The following RPRD2 variants were observed in gnomAD, a reference collection of about 807,000 sequenced individuals.
RPRD2 encodes regulation of nuclear pre-mRNA domain-containing protein 2.
In RPRD2, 12 loss-of-function variants were observed where a neutral mutation model predicts 104.4. The ratio of observed to expected loss-of-function variants is 0.11; its 90% confidence interval spans 0.07 to 0.19. The LOEUF (loss-of-function observed/expected upper bound fraction) is 0.19, where lower values mean the gene tolerates loss of function less well. RPRD2 is among the 10% of genes least tolerant of loss of function. RPRD2 has a pLI of 1.00. For missense variants in RPRD2, 1,543 were observed against 1,790.1 expected, an observed-to-expected ratio of 0.86 and a Z score of 2.49; for synonymous variants, 714 against 684.9, an observed-to-expected ratio of 1.04 and a Z score of -0.66.
intron 1 of RPRD2, among the ~76,000 whole-genome samples, chr1:150,388,915 TATTAAG>T (rs1299435238): frequency 6.6e-6 from 1 of 152,068 alleles, no homozygotes; most frequent in East Asian, 1.9e-4. Context: ...AATATGTAAT[TATTAAG>T]AGTCCATATT....
At chr1:150,388,129 G>T (rs1382990994) in intron 1 of RPRD2, among the ~76,000 whole-genome samples, 1 of 151,334 alleles carries the variant, frequency 6.6e-6, no homozygotes, top group African/African-American at 2.4e-5. Flanking sequence ...TGTTGCCTAG[G>T]CTGGTCTTAA....
intron 1 of RPRD2, among the ~76,000 whole-genome samples, chr1:150,383,205 G>T (rs1052204110): frequency 2.3e-4 from 35 of 152,014 alleles, no homozygotes; most frequent in South Asian, 1.9e-3. Flanking sequence ...ATGTTGCCCA[G>T]GCTGGTCTCG....
intron 2 of RPRD2, among the ~76,000 whole-genome samples, chr1:150,438,477 A>G (rs1241353301): frequency 6.6e-6 from 1 of 151,848 alleles, no homozygotes; most frequent in African/African-American, 2.4e-5. Flanking sequence ...AAAAAATACA[A>G]AATTAGCTGG....
At chr1:150,416,326 A>G (rs1553888537) in intron 1 of RPRD2, among the ~76,000 whole-genome samples, 7 of 152,148 alleles carry the variant, frequency 4.6e-5, no homozygotes, top group Admixed American at 1.3e-4. Context: ...TAAAAAGCTG[A>G]GATCTTGATG....
intron 1 of RPRD2, among the ~76,000 whole-genome samples, chr1:150,371,793 C>T (rs1660323414): frequency 1.3e-5 from 2 of 152,142 alleles, no homozygotes; most frequent in African/African-American, 4.8e-5. Flanking sequence ...CCTACACAGC[C>T]TTTCTTATTC....
chr1:150,368,323 C>G (rs1470151901), intron 1 of RPRD2, among the ~76,000 whole-genome samples: 1 of 144,438 alleles, frequency 6.9e-6, no homozygotes, highest in Non-Finnish European at 1.5e-5. Context: ...GATGGAATTT[C>G]GCTTTGTCGT....
rs587718546 is a variant in RPRD2 at position 150,410,046 on chromosome 1, C to T, written c.206-7550C>T. 3.9e-5 allele frequency among the ~76,000 whole-genome samples: 6 copies of T among 152,166 alleles called. No homozygotes were observed. The South Asian group carries it at 1.2e-3, about 32-fold the overall frequency. ...GTGATTGAACGAGCCATGAGAAAAA[C>T]GGGGGAAGAAAGTTCCAGAACAGTG... On this transcript the variant is annotated intron_variant, in intron 1 of 10. Coordinates refer to ENST00000369068, the MANE Select transcript of RPRD2 (RefSeq NM_015203.5).
At chr1:150,442,052 A>C (rs1055234753) in intron 4 of RPRD2, 94 bp downstream of exon 4, 1 of 917,540 alleles carries the variant, frequency 1.1e-6, no homozygotes, top group African/African-American at 1.7e-5. Flanking sequence ...GGCATAAACC[A>C]TGGGCAAGCC....
chr1:150,430,010 C>T (rs1286876684), intron 2 of RPRD2, among the ~76,000 whole-genome samples: 2 of 152,194 alleles, frequency 1.3e-5, no homozygotes, highest in Non-Finnish European at 2.9e-5. Context: ...CCCCTGGCTT[C>T]TGAGATATAG....
chr1:150,443,405 A>G (rs1666536860), intron 5 of RPRD2, 122 bp downstream of exon 5: 2 of 724,452 alleles, frequency 2.8e-6, no homozygotes, highest in South Asian at 3.9e-5. Flanking sequence ...TTAAACATGC[A>G]TGAACTGTTC....
At chr1:150,424,692 C>T (rs1553890278) in intron 2 of RPRD2, among the ~76,000 whole-genome samples, 3 of 152,160 alleles carry the variant, frequency 2.0e-5, no homozygotes, top group Non-Finnish European at 4.4e-5. Context: ...GGGACTAGAA[C>T]CCAGATTTTT....
At chr1:150,390,880 A>G (rs72696852) in intron 1 of RPRD2, among the ~76,000 whole-genome samples, 12,453 of 152,160 alleles carry the variant, frequency 0.082, 673 homozygotes, top group Non-Finnish European at 0.12. Context: ...TTGATGAAAT[A>G]TGTGAATATA....
intron 7 of RPRD2, among the ~76,000 whole-genome samples, chr1:150,446,997 C>G (rs587761764): frequency 1.3e-5 from 2 of 151,854 alleles, no homozygotes; most frequent in South Asian, 4.2e-4. Context: ...CCACCATGCC[C>G]AGCTAATTTT....
chr1:150,463,306 A>T (rs1458251562), intron 9 of RPRD2, among the ~76,000 whole-genome samples: 1 of 152,200 alleles, frequency 6.6e-6, no homozygotes, highest in African/African-American at 2.4e-5. Context: ...ACTGCACTCC[A>T]GCCTGAGCAA....
intron 1 of RPRD2, among the ~76,000 whole-genome samples, chr1:150,398,937 A>G (rs587656946): frequency 6.6e-6 from 1 of 152,334 alleles, no homozygotes; most frequent in South Asian, 2.1e-4. Context: ...GTTACATATA[A>G]GAAATCCTTT....
chr1:150,406,471 A>G (rs1210265586), intron 1 of RPRD2, among the ~76,000 whole-genome samples: 4 of 152,204 alleles, frequency 2.6e-5, no homozygotes, highest in African/African-American at 4.8e-5. Context: ...CAGTGGCACA[A>G]TCTCAGCTCA....
At chr1:150,468,032 C>T (rs747242193) in intron 10 of RPRD2, among the ~76,000 whole-genome samples, 6 of 151,864 alleles carry the variant, frequency 4.0e-5, no homozygotes, top group Non-Finnish European at 8.8e-5. Flanking sequence ...CGTGGTGGCT[C>T]ACAGCTGTAA....
intron 1 of RPRD2, among the ~76,000 whole-genome samples, chr1:150,393,509 TGAG>T (rs1400005372): frequency 1.3e-5 from 2 of 150,092 alleles, no homozygotes; most frequent in East Asian, 1.9e-4. Context: ...GAAAGACTGT[TGAG>T]GAGCAGTATA....
chr1:150,460,603 A>G (rs1553898625), intron 9 of RPRD2, among the ~76,000 whole-genome samples: 1 of 151,942 alleles, frequency 6.6e-6, no homozygotes, highest in African/African-American at 2.4e-5. Flanking sequence ...GGGTTTCACC[A>G]TGTTGGCCAG....
Sources: allele counts gnomAD v4.1 joint callset (sites outside exome capture counted in the v4.1 genomes callset), GRCh38; gene constraint gnomAD v4.1.1; transcripts MANE v1.5; gene names NCBI Gene and HGNC (gene_info 2026-07-23, HGNC 2026-07-21).